The following CASP2 variants were observed in gnomAD, a reference collection of about 807,000 sequenced individuals.
The protein encoded by CASP2 is caspase 2.
In CASP2, 38 loss-of-function variants were observed where a neutral mutation model predicts 54.4. The observed-to-expected ratio is 0.70, with a 90% CI of 0.54 to 0.92. CASP2 has a LOEUF of 0.92. Ranked by LOEUF, CASP2 falls within the 40% of genes least tolerant of loss-of-function variation. The pLI, the probability that CASP2 is intolerant of heterozygous loss-of-function variation, is 0.00. For missense variants in CASP2, 512 were observed against 579.6 expected (o/e 0.88, Z 1.20); for synonymous variants, 215 against 216.3 (o/e 0.99, Z 0.05).
At chr7:143,296,073 G>A (rs114850225) in intron 6 of CASP2, among the ~76,000 whole-genome samples, 2,049 of 152,266 alleles carry the variant, frequency 0.013, 47 homozygotes, top group African/African-American at 0.047. Flanking sequence ...AGCTGATAAA[G>A]GATCTTACAT....
chr7:143,301,490 G>A (rs1166916201), intron 8 of CASP2: 2 of 152,034 alleles, frequency 1.3e-5, no homozygotes, highest in Non-Finnish European at 2.9e-5. Flanking sequence ...CTAGTTCACA[G>A]GCCTCATGTA....
intron 3 of CASP2, 21 bp from the exon 4 acceptor site, chr7:143,292,596 A>G (rs1007290882): frequency 5.0e-6 from 8 of 1,612,326 alleles, no homozygotes; most frequent in Non-Finnish European, 6.8e-6. Context: ...GTCTGTCATC[A>G]TGAGTTTTGA....
chr7:143,290,720 C>T lies in CASP2; in HGVS notation c.75-820C>T, dbSNP rs4647286. On this transcript the variant is annotated intron_variant, in intron 1 of 10. Coordinates refer to ENST00000310447, the MANE Select transcript of CASP2 (RefSeq NM_032982.4). ...GGGCTATAGTGTGCTATGCCAGTCA[C>T]GTGTCCACATTAAGTTCAGCATCAG... 496 of 152,384 alleles carry T rather than the reference C, an allele frequency of 3.3e-3. 1 individual carries two copies. The highest frequency in any genetic ancestry group is 0.01 in the Admixed American group (157 of 15,294). 9.4% of individuals were successfully genotyped at this position (152,384 alleles called of 1,614,324 possible). A position where few individuals can be genotyped will look rare whatever the true frequency, so the allele number is the denominator to read the frequency against.
Position 143,291,538 on chromosome 7 carries a change from A to G in CASP2, c.75-2A>G. ...GCCTTTCCTTCTACCGTTTATCTGT[A>G]GGATATTGGGAGTGTGTGGCATGCA... On this transcript the variant is annotated splice_acceptor_variant, in intron 1 of 10. Transcript: ENST00000310447. LOFTEE classifies it high-confidence loss of function. 1 of 1,613,908 alleles carries G rather than the reference A, an allele frequency of 6.2e-7. No homozygotes were observed. Among genetic ancestry groups the G allele is most frequent in the Non-Finnish European group, 8.5e-7 (1 of 1,179,938 alleles).
At chr7:143,295,557 T>A (rs1401304255) in intron 6 of CASP2, among the ~76,000 whole-genome samples, 2 of 152,278 alleles carry the variant, frequency 1.3e-5, no homozygotes, top group Admixed American at 6.5e-5. Context: ...AGTAGAACTT[T>A]CTTCAACTTG....
chr7:143,300,828 TC>T (rs2116797315), intron 8 of CASP2: 1 of 1,141,720 alleles, frequency 8.8e-7, no homozygotes, highest in Non-Finnish European at 1.1e-6. Context: ...CTTTGACTCT[TC>T]CTTTTCCGTG....
intron 6 of CASP2, among the ~76,000 whole-genome samples, chr7:143,295,233 G>A (rs1242583972): frequency 6.6e-6 from 1 of 152,118 alleles, no homozygotes; most frequent in African/African-American, 2.4e-5. Flanking sequence ...TTGCCATGTT[G>A]GCCAGGCTGG....
In CASP2 at chr7:143,288,372, G is replaced by C. The variant is rs11981631; in HGVS notation, c.-84G>C. 1.5e-3 allele frequency: 2,035 copies of C among 1,382,244 alleles called. 22 individuals carry two copies. In the African/African-American group the frequency reaches 0.026, roughly 18 times the overall value. 85.6% of individuals were successfully genotyped at this position (1,382,244 alleles called of 1,614,324 possible). On this transcript the variant is annotated 5_prime_UTR_variant, in exon 1 of 11. Coordinates refer to ENST00000310447, the MANE Select transcript of CASP2 (RefSeq NM_032982.4). ...AGGCGCAGTGTGCGTCCGCGTCTGA[G>C]GGGAGGGATGTGGGGGAAGCGACGG...
At chr7:143,303,514 A>G (rs1402253234) in intron 8 of CASP2, 1 of 372,422 alleles carries the variant, frequency 2.7e-6, no homozygotes, top group East Asian at 5.5e-5. Context: ...CCTGTCTTAC[A>G]CAGAATGGGA....
In CASP2 at chr7:143,304,820, A is replaced by G. The variant is rs140219117; in HGVS notation, c.1227+37A>G. 1.8e-3 allele frequency: 2,927 copies of G among 1,604,472 alleles called. 4 individuals carry two copies. The highest frequency in any genetic ancestry group is 2.0e-3 in the Non-Finnish European group (2,387 of 1,171,208). On this transcript the variant is annotated intron_variant, in intron 10 of 10. Transcript: ENST00000310447. ...GGCTCCGTGACCCCTGTGTGTCTCC[A>G]CAGTGCTCTACTTTCCTCCTCTCTT...
chr7:143,295,598 T>G (rs1801721627), intron 6 of CASP2, among the ~76,000 whole-genome samples: 1 of 152,256 alleles, frequency 6.6e-6, no homozygotes, highest in Non-Finnish European at 1.5e-5. Flanking sequence ...AAATTAAAAT[T>G]GCTAGGAGAT....
At position 143,288,405 on chromosome 7, in the gene CASP2, T is replaced by G; in HGVS notation, c.-51T>G. On this transcript the variant is annotated 5_prime_UTR_variant, in exon 1 of 11. Coordinates refer to ENST00000310447, the MANE Select transcript of CASP2 (RefSeq NM_032982.4). ...ATGTGGGGGAAGCGACGGCCCCCGGTTTGTTTGGGCTGTGGGCGGTGCGCA... is the reference window on the plus strand; with the variant it reads ...ATGTGGGGGAAGCGACGGCCCCCGGGTTGTTTGGGCTGTGGGCGGTGCGCA... The G allele has an allele frequency of 6.4e-7, 1 of 1,573,682 alleles. No homozygotes were observed. Among genetic ancestry groups the G allele is most frequent in the Non-Finnish European group, 8.7e-7 (1 of 1,146,860 alleles).
Position 143,291,656 on chromosome 7 carries a change from A to G in CASP2, c.191A>G (p.Asp64Gly), listed in dbSNP as rs759719769. 27 of 1,614,058 alleles carry G rather than the reference A, an allele frequency of 1.7e-5. No individual in the cohort carries two copies. Among genetic ancestry groups the G allele is most frequent in the Non-Finnish European group, 2.3e-5 (27 of 1,180,034 alleles). The change falls in exon 2 of 11, where the codon GAC (aspartate) becomes GGC (glycine). Residue 64 changes from aspartate to glycine, a missense_variant. Coordinates refer to ENST00000310447, the MANE Select transcript of CASP2 (RefSeq NM_032982.4). ...SELLEHLLEKDIITLEMRELI... is the reference protein window; with the variant it reads ...SELLEHLLEKGIITLEMRELI... ...TTGTTAGAACATCTTCTGGAGAAGG[A>G]CATCATCACCTTGGAAATGAGGGAG...
At chr7:143,302,827 T>A (rs1260691075) in intron 8 of CASP2, 1 of 152,228 alleles carries the variant, frequency 6.6e-6, no homozygotes, top group Non-Finnish European at 1.5e-5. Flanking sequence ...GAGTCTGTCT[T>A]GGGATACATA....
chr7:143,303,679 GC>G, intron 8 of CASP2, 104 bp from the exon 9 acceptor site: 1 of 960,340 alleles, frequency 1.0e-6, no homozygotes, highest in South Asian at 1.4e-5. Flanking sequence ...GCTGGAAATG[GC>G]TCTTCCCCTT....
At position 143,305,590 on chromosome 7, in the gene CASP2, A is replaced by G. The variant is rs1054789223; in HGVS notation, c.*519A>G. 3.8e-6 allele frequency: 1 copy of G among 266,566 alleles called. No homozygotes were observed. 16.5% of individuals were successfully genotyped at this position (266,566 alleles called of 1,614,324 possible). A position where few individuals can be genotyped will look rare whatever the true frequency, so the allele number is the denominator to read the frequency against. Reference sequence around the variant, plus strand: ...TGGCTCTGAAGAAGCAAACATGACTAGAGACGCACCTTGCTGCAGTGTCCA... The same window carrying G: ...TGGCTCTGAAGAAGCAAACATGACTGGAGACGCACCTTGCTGCAGTGTCCA... On this transcript the variant is annotated 3_prime_UTR_variant, in exon 11 of 11. Transcript: ENST00000310447.
chr7:143,304,835 C>T (rs766952753), intron 10 of CASP2, 52 bp downstream of exon 10: 2 of 1,605,088 alleles, frequency 1.2e-6, no homozygotes, highest in Non-Finnish European at 1.7e-6. Flanking sequence ...GCTCTACTTT[C>T]CTCCTCTCTT....
At chr7:143,288,588 C>T (rs1331424588) in intron 1 of CASP2, 59 bp downstream of exon 1, 16 of 1,470,698 alleles carry the variant, frequency 1.1e-5, no homozygotes, top group South Asian at 1.0e-4. Flanking sequence ...GAGCGTGGCC[C>T]CCAGGCGTGC....
At chr7:143,300,565 T>C (rs886746756) in intron 8 of CASP2, 30 of 1,492,252 alleles carry the variant, frequency 2.0e-5, no homozygotes, top group East Asian at 2.7e-5. Context: ...TTTGCCTTCC[T>C]TTCTGAGAAC....
Sources: gnomAD v4.1 joint callset for allele counts (sites outside exome capture counted in the v4.1 genomes callset) on GRCh38, gnomAD v4.1.1 for gene constraint, MANE v1.5 for transcripts, NCBI Gene and HGNC (gene_info 2026-07-23, HGNC 2026-07-21) for gene names.